The following DAB1 variants were observed in gnomAD, a reference collection of about 807,000 sequenced individuals.
DAB1 encodes DAB adaptor protein 1.
A neutral mutation model predicts 64.6 loss-of-function variants in DAB1; 15 were observed. The ratio of observed to expected loss-of-function variants is 0.23; its 90% CI spans 0.16 to 0.36. The LOEUF (loss-of-function observed/expected upper bound fraction) is 0.36. Among genes scored for constraint, DAB1 ranks in the 10% least tolerant of loss-of-function variants. DAB1 has a pLI of 1.00. For missense variants in DAB1, 596 were observed against 706.7 expected, an observed-to-expected ratio of 0.84 and a Z score of 1.78; for synonymous variants, 235 against 251.9, an observed-to-expected ratio of 0.93 and a Z score of 0.64.
At chr1:58,074,396 C>T (rs1570316491) in intron 5 of DAB1, 1 of 148,292 alleles carries the variant, frequency 6.7e-6, no homozygotes, top group South Asian at 2.1e-4. Flanking sequence ...TTTCATTTTA[C>T]AGGTTAATAA....
intron 5 of DAB1, among the ~76,000 whole-genome samples, chr1:58,145,786 C>T (rs1654556811): frequency 6.6e-6 from 1 of 152,222 alleles, no homozygotes; most frequent in African/African-American, 2.4e-5. Context: ...ATGCGCTTCA[C>T]TGACATAAAA....
intron 7 of DAB1, among the ~76,000 whole-genome samples, chr1:57,461,259 T>C (rs191031755): frequency 4.6e-5 from 7 of 152,336 alleles, no homozygotes; most frequent in Admixed American, 3.9e-4. Context: ...ACTGGTCTAA[T>C]GTTGGGGAGA....
chr1:57,918,042 G>A (rs931911559), intron 5 of DAB1, among the ~76,000 whole-genome samples: 3 of 149,912 alleles, frequency 2.0e-5, no homozygotes, highest in Non-Finnish European at 3.0e-5. Context: ...CACTCCAGCC[G>A]GGGTGACAGA....
chr1:57,671,553 T>A (rs7540673), intron 6 of DAB1, among the ~76,000 whole-genome samples: 3,302 of 152,210 alleles, frequency 0.022, 112 homozygotes, highest in African/African-American at 0.076. Flanking sequence ...CTCCTTCATG[T>A]GACCTTTCAC....
chr1:58,175,120 G>A (rs1230524304), intron 4 of DAB1, among the ~76,000 whole-genome samples: 5 of 152,172 alleles, frequency 3.3e-5, no homozygotes, highest in African/African-American at 7.2e-5. Flanking sequence ...AAATCTTGCT[G>A]CTGCTCACTC....
At position 57,125,090 on chromosome 1, in the gene DAB1, C is replaced by G. The variant is rs574685219; in HGVS notation, c.306+11453G>C. Among the ~76,000 whole-genome samples, 212 of 152,298 alleles carry G rather than the reference C, an allele frequency of 1.4e-3. 1 individual carries two copies. Among genetic ancestry groups the G allele is most frequent in the Middle Eastern group, 6.8e-3 (2 of 294 alleles). ...CACCATAGCACAGAAGATTTGACAA[C>G]CCCAAGCTCATCTCTCACCATCTCA... On this transcript the variant is annotated intron_variant, in intron 4 of 14. Coordinates refer to ENST00000371236, the MANE Select transcript of DAB1 (RefSeq NM_001365792.1).
At chr1:57,667,105 G>C (rs1273751880) in intron 6 of DAB1, among the ~76,000 whole-genome samples, 1 of 152,090 alleles carries the variant, frequency 6.6e-6, no homozygotes, top group Middle Eastern at 3.2e-3. Context: ...TCCTGCCTTA[G>C]AGTTTTTGCA....
intron 6 of DAB1, among the ~76,000 whole-genome samples, chr1:57,785,132 C>T (rs1343363047): frequency 2.6e-5 from 4 of 152,262 alleles, no homozygotes; most frequent in South Asian, 4.1e-4. Flanking sequence ...GATGACAGTA[C>T]ATCTGTTTAT....
At chr1:58,189,499 A>G (rs758771693) in intron 4 of DAB1, among the ~76,000 whole-genome samples, 6 of 152,220 alleles carry the variant, frequency 3.9e-5, no homozygotes, top group Non-Finnish European at 8.8e-5. Context: ...TCTATCATTT[A>G]GGGTTTAACC....
chr1:57,202,424 C>T (rs1398413754), intron 2 of DAB1, among the ~76,000 whole-genome samples: 2 of 152,134 alleles, frequency 1.3e-5, no homozygotes, highest in African/African-American at 2.4e-5. Context: ...CTGGCAGTTC[C>T]ACTTGGGAAC....
chr1:57,225,495 C>A (rs1055410949), intron 2 of DAB1, among the ~76,000 whole-genome samples: 37 of 152,176 alleles, frequency 2.4e-4, no homozygotes, highest in Non-Finnish European at 2.9e-5. Context: ...ACCAAAGACA[C>A]AGCATACATC....
At chr1:57,431,153 A>AAAAAAG (rs1558372178) in intron 7 of DAB1, among the ~76,000 whole-genome samples, 1 of 151,500 alleles carries the variant, frequency 6.6e-6, no homozygotes, top group Non-Finnish European at 1.5e-5. Flanking sequence ...CAAAAAAAAA[A>AAAAAAG]AAAAGAAAAA....
At chr1:58,095,490 C>T (rs899070739) in intron 5 of DAB1, among the ~76,000 whole-genome samples, 3 of 152,184 alleles carry the variant, frequency 2.0e-5, no homozygotes, top group African/African-American at 7.2e-5. Context: ...CACTCAGCAA[C>T]CTGCTTGCCT....
At chr1:57,784,771 A>C (rs761327704) in intron 6 of DAB1, among the ~76,000 whole-genome samples, 1 of 152,188 alleles carries the variant, frequency 6.6e-6, no homozygotes, top group Admixed American at 6.5e-5. Context: ...ACAACAAAAG[A>C]AGCATCTCCA....
intron 5 of DAB1, among the ~76,000 whole-genome samples, chr1:58,030,173 C>T (rs1646950480): frequency 1.3e-5 from 2 of 152,136 alleles, no homozygotes; most frequent in African/African-American, 4.8e-5. Flanking sequence ...CACCACCACA[C>T]TCCAGCCTGG....
At chr1:57,892,117 A>T (rs1644324672) in intron 5 of DAB1, among the ~76,000 whole-genome samples, 2 of 152,220 alleles carry the variant, frequency 1.3e-5, no homozygotes, top group Non-Finnish European at 2.9e-5. Flanking sequence ...ATATTTAAAA[A>T]CAAAACCAGA....
rs141421782 is a variant in DAB1, at chr1:57,153,198, G to A, written c.68-7769C>T. Among the ~76,000 whole-genome samples the A allele has an allele frequency of 9.3e-3, 1,412 of 151,998 alleles. 23 individuals carry two copies. Among genetic ancestry groups the A allele is most frequent in the Admixed American group, 0.013 (203 of 15,266 alleles). ...ACGCCACCATACCTGGCTAATTTTT[G>A]TATTTTTAGTGGAGATGGTGTTTCA... is the stretch of plus-strand genomic sequence containing the variant. On this transcript the variant is annotated intron_variant, in intron 2 of 14. Transcript: ENST00000371236.
chr1:57,412,773 C>T (rs1426660676), intron 1 of DAB1, among the ~76,000 whole-genome samples: 1 of 152,330 alleles, frequency 6.6e-6, no homozygotes, highest in Non-Finnish European at 1.5e-5. Flanking sequence ...GAAGCCACCT[C>T]CATCACATGA....
At chr1:58,107,546 A>G (rs376199549) in intron 5 of DAB1, among the ~76,000 whole-genome samples, 2 of 151,788 alleles carry the variant, frequency 1.3e-5, no homozygotes, top group African/African-American at 4.8e-5. Context: ...CAGAACAGCC[A>G]GAAAGAAACC....
Sources: gnomAD v4.1 joint callset for allele counts (sites outside exome capture counted in the v4.1 genomes callset) on GRCh38, gnomAD v4.1.1 for gene constraint, MANE v1.5 for transcripts, NCBI Gene and HGNC (gene_info 2026-07-23, HGNC 2026-07-21) for gene names.